The following MSRB3 variants were observed in gnomAD, a reference collection of about 807,000 sequenced individuals.
The protein encoded by MSRB3 is methionine-R-sulfoxide reductase B3.
MSRB3 carries 13 observed loss-of-function variants against 21.0 expected under a neutral mutation model. The observed-to-expected ratio is 0.62, with a 90% CI of 0.40 to 0.98. The LOEUF (loss-of-function observed/expected upper bound fraction) is 0.98, where lower values mean the gene tolerates loss of function less well. Ranked by LOEUF, MSRB3 falls within the 50% of genes least tolerant of loss-of-function variation. The probability of loss-of-function intolerance (pLI) is 0.00; values close to 1 mark genes in which losing one functional copy is unlikely to be tolerated. For missense variants in MSRB3, 199 were observed against 230.3 expected (o/e 0.86, Z 0.88); for synonymous variants, 87 against 88.6 (o/e 0.98, Z 0.10).
intron 5 of MSRB3, among the ~76,000 whole-genome samples, chr12:65,427,445 GATA>G: frequency 6.6e-6 from 1 of 152,282 alleles, no homozygotes; most frequent in South Asian, 2.1e-4. Flanking sequence ...AGTTTTCTAT[GATA>G]ATGGCAGCTA....
rs923566613 is a variant in MSRB3, at chr12:65,435,315, T to A, written c.293-18413T>A. ...TCTATATTTTAAAATGTTTTTCATA[T>A]GTTTCAAGACTGTTTTGAGTTTACT... On this transcript the variant is annotated intron_variant, in intron 5 of 6. Coordinates refer to ENST00000308259, the MANE Select transcript of MSRB3 (RefSeq NM_001031679.3). Among the ~76,000 whole-genome samples, 8 of 152,016 alleles carry A rather than the reference T, an allele frequency of 5.3e-5. No individual in the cohort carries two copies. In the East Asian group the frequency reaches 1.5e-3, roughly 29 times the overall value.
At chr12:65,339,830 A>G (rs968657152) in intron 4 of MSRB3, among the ~76,000 whole-genome samples, 3 of 152,154 alleles carry the variant, frequency 2.0e-5, no homozygotes, top group African/African-American at 7.2e-5. Context: ...AAAAACTGCA[A>G]TCCAGCCTCC....
At chr12:65,339,411 T>A (rs752086548) in intron 4 of MSRB3, among the ~76,000 whole-genome samples, 12 of 152,240 alleles carry the variant, frequency 7.9e-5, no homozygotes, top group Admixed American at 2.6e-4. Context: ...TAAATCTAGC[T>A]CTAAATCAAC....
At chr12:65,419,836 C>T (rs1881186270) in intron 5 of MSRB3, 2 of 779,624 alleles carry the variant, frequency 2.6e-6, no homozygotes, top group East Asian at 5.4e-5. Context: ...CCGGCCAGGC[C>T]CCTGGACCCC....
At chr12:65,337,344 G>A (rs1875842865) in intron 4 of MSRB3, among the ~76,000 whole-genome samples, 2 of 145,258 alleles carry the variant, frequency 1.4e-5, no homozygotes, top group African/African-American at 5.1e-5. Context: ...TGAGGCAGGA[G>A]AATCGCTTGA....
At chr12:65,427,354 G>A (rs535558357) in intron 5 of MSRB3, among the ~76,000 whole-genome samples, 1 of 152,308 alleles carries the variant, frequency 6.6e-6, no homozygotes, top group Admixed American at 6.5e-5. Flanking sequence ...ATACCACAGT[G>A]GCAGTGAGGG....
At chr12:65,361,132 T>C (rs1877674623) in intron 4 of MSRB3, among the ~76,000 whole-genome samples, 1 of 152,136 alleles carries the variant, frequency 6.6e-6, no homozygotes, top group African/African-American at 2.4e-5. Context: ...TATTACTAAT[T>C]GTACTTGTGG....
intron 2 of MSRB3, among the ~76,000 whole-genome samples, chr12:65,311,375 C>G (rs1873976250): frequency 6.6e-6 from 1 of 152,064 alleles, no homozygotes; most frequent in African/African-American, 2.4e-5. Flanking sequence ...CATTCAAGCA[C>G]CACTAGTTTT....
At chr12:65,306,722 A>G in intron 1 of MSRB3, 1 of 563,174 alleles carries the variant, frequency 1.8e-6, no homozygotes. Context: ...TTGCCACTAG[A>G]TGGAGCCCTG....
intron 2 of MSRB3, among the ~76,000 whole-genome samples, chr12:65,318,553 A>T (rs1389362102): frequency 2.0e-5 from 3 of 152,162 alleles, no homozygotes; most frequent in Non-Finnish European, 4.4e-5. Flanking sequence ...ATACTGGAAA[A>T]AAAAATTAAA....
intron 1 of MSRB3, among the ~76,000 whole-genome samples, chr12:65,307,504 A>G (rs1188713779): frequency 6.6e-6 from 1 of 152,158 alleles, no homozygotes; most frequent in East Asian, 1.9e-4. Context: ...ACAAGACATT[A>G]ATTTTATATT....
chr12:65,420,551 G>T (rs988103609), intron 5 of MSRB3, among the ~76,000 whole-genome samples: 3 of 152,038 alleles, frequency 2.0e-5, no homozygotes, highest in African/African-American at 7.3e-5. Context: ...ACAGGGGCTT[G>T]CTGTACAGAG....
intron 5 of MSRB3, among the ~76,000 whole-genome samples, chr12:65,430,434 T>TA (rs1293443443): frequency 1.3e-5 from 2 of 152,178 alleles, no homozygotes; most frequent in African/African-American, 4.8e-5. Context: ...CAGAGGGCTT[T>TA]CATTGCTTGC....
intron 1 of MSRB3, chr12:65,281,824 C>T (rs560542102): frequency 2.0e-5 from 3 of 152,174 alleles, no homozygotes; most frequent in Admixed American, 6.5e-5. Context: ...GGGTTATCAC[C>T]TTTTGATCTT....
intron 5 of MSRB3, among the ~76,000 whole-genome samples, chr12:65,406,785 AT>A (rs1302495600): frequency 1.3e-5 from 2 of 152,282 alleles, no homozygotes; most frequent in African/African-American, 4.8e-5. Flanking sequence ...AGCTGGGGTC[AT>A]TTAGGAAGCT....
At chr12:65,457,859 TTTA>T (rs367883860) in intron 6 of MSRB3, among the ~76,000 whole-genome samples, 28 of 151,684 alleles carry the variant, frequency 1.8e-4, no homozygotes, top group Admixed American at 1.2e-3. Context: ...AGAGTTTTAT[TTTA>T]TTATTATTAT....
intron 2 of MSRB3, chr12:65,308,873 C>T (rs1242609534): frequency 3.2e-6 from 2 of 632,460 alleles, no homozygotes; most frequent in Admixed American, 2.6e-5. Context: ...TTTCCTTGCC[C>T]AGTGTATAAT....
Position 65,387,625 on chromosome 12 carries a change from A to C in MSRB3, c.292+18599A>C, listed in dbSNP as rs375284961. ...ATTTGAATCCTGGCTCTGTCTTTTAAGCACTATGTAACTTGGGGCATATAA... is the reference window on the plus strand; with the variant it reads ...ATTTGAATCCTGGCTCTGTCTTTTACGCACTATGTAACTTGGGGCATATAA... On this transcript the variant is annotated intron_variant, in intron 5 of 6. Coordinates refer to ENST00000308259, the MANE Select transcript of MSRB3 (RefSeq NM_001031679.3). Among the ~76,000 whole-genome samples the C allele has an allele frequency of 5.9e-5, 9 of 152,282 alleles. No homozygotes were observed. In the East Asian group the frequency reaches 1.7e-3, roughly 29 times the overall value.
intron 2 of MSRB3, among the ~76,000 whole-genome samples, chr12:65,319,952 T>C (rs117043926): frequency 0.014 from 2,133 of 152,276 alleles, 42 homozygotes; most frequent in East Asian, 0.056. Context: ...AAACCTTCAG[T>C]ATGAGAACCA....
Sources: allele counts gnomAD v4.1 joint callset (sites outside exome capture counted in the v4.1 genomes callset), GRCh38; gene constraint gnomAD v4.1.1; transcripts MANE v1.5; gene names NCBI Gene and HGNC (gene_info 2026-07-23, HGNC 2026-07-21).